The following MCUB variants were observed in gnomAD, a reference collection of about 807,000 sequenced individuals.
MCUB encodes the protein calcium uniporter regulatory subunit MCUb, mitochondrial.
MCUB carries 46 observed loss-of-function variants against 41.4 expected under a neutral mutation model. That is an observed-to-expected ratio of 1.11 (90% confidence interval 0.88 to 1.42). The LOEUF is 1.42. Ranked by LOEUF, MCUB falls within the 40% of genes most tolerant of loss-of-function variation. MCUB has a pLI of 0.00. For missense variants in MCUB, 403 were observed against 404.9 expected (o/e 1.00, Z 0.04); for synonymous variants, 148 against 148.2 (o/e 1.00, Z 0.01).
chr4:109,627,420 C>G (rs1728384135), intron 1 of MCUB, among the ~76,000 whole-genome samples: 1 of 152,210 alleles, frequency 6.6e-6, no homozygotes, highest in African/African-American at 2.4e-5. Context: ...TGGAATCTGT[C>G]AAGCATTTTA....
intron 1 of MCUB, among the ~76,000 whole-genome samples, chr4:109,632,517 C>G (rs896976599): frequency 2.0e-5 from 3 of 152,024 alleles, no homozygotes; most frequent in African/African-American, 7.2e-5. Context: ...CTAGGCGGTA[C>G]CAGCTCAGTG....
chr4:109,635,308 G>A (rs751641287), intron 1 of MCUB, among the ~76,000 whole-genome samples: 1 of 152,122 alleles, frequency 6.6e-6, no homozygotes, highest in African/African-American at 2.4e-5. Flanking sequence ...AATCCTTTGG[G>A]TATATACCCA....
At chr4:109,579,447 A>G (rs1426292273) in intron 1 of MCUB, among the ~76,000 whole-genome samples, 2 of 152,122 alleles carry the variant, frequency 1.3e-5, no homozygotes, top group Non-Finnish European at 1.5e-5. Flanking sequence ...ACGGGGTTTC[A>G]ACATGTTGGC....
At chr4:109,580,161 G>A (rs951526585) in intron 1 of MCUB, among the ~76,000 whole-genome samples, 10 of 152,058 alleles carry the variant, frequency 6.6e-5, no homozygotes, top group Admixed American at 3.3e-4. Flanking sequence ...TAGTTTGCTC[G>A]GAGTGATGGT....
intron 1 of MCUB, among the ~76,000 whole-genome samples, chr4:109,579,932 G>A (rs1285142685): frequency 2.0e-5 from 3 of 152,014 alleles, no homozygotes; most frequent in Non-Finnish European, 2.9e-5. Context: ...TGTGCACAAC[G>A]TGCAGTTTGT....
intron 1 of MCUB, among the ~76,000 whole-genome samples, chr4:109,616,934 G>A (rs1728138618): frequency 1.3e-5 from 2 of 152,098 alleles, no homozygotes; most frequent in Admixed American, 1.3e-4. Context: ...TTTAATTTTA[G>A]TTTTTAAATT....
rs192573048 is a variant in MCUB, at chr4:109,621,668, T to C, written c.100-37343T>C. ...AAGCAAATTTTATCCCTTAAGCTTC[T>C]ACACTGTAATAAAATAAGGGGCAGA... On this transcript the variant is annotated intron_variant, in intron 1 of 7. Transcript: ENST00000394650. Among the ~76,000 whole-genome samples the C allele has an allele frequency of 3.9e-3, 597 of 152,324 alleles. 5 individuals are homozygous for C. Among genetic ancestry groups the C allele is most frequent in the African/African-American group, 0.014 (573 of 41,580 alleles).
At chr4:109,567,814 T>C (rs1184913701) in intron 1 of MCUB, among the ~76,000 whole-genome samples, 1 of 152,126 alleles carries the variant, frequency 6.6e-6, no homozygotes, top group Non-Finnish European at 1.5e-5. Flanking sequence ...TTCTCCTGTC[T>C]CAGCCTCCCA....
chr4:109,601,274 T>G (rs1727727220), intron 1 of MCUB, among the ~76,000 whole-genome samples: 1 of 152,126 alleles, frequency 6.6e-6, no homozygotes, highest in Non-Finnish European at 1.5e-5. Context: ...ACAACCCAGT[T>G]ATACTCTTTT....
At chr4:109,586,624 C>G (rs1235394981) in intron 1 of MCUB, among the ~76,000 whole-genome samples, 2 of 152,184 alleles carry the variant, frequency 1.3e-5, no homozygotes, top group African/African-American at 4.8e-5. Context: ...TGGTGACCTA[C>G]AGATGGGGTT....
rs2126154299 is a variant in MCUB at position 109,688,106 on chromosome 4, A to G, written c.*514A>G. On this transcript the variant is annotated 3_prime_UTR_variant, in exon 8 of 8. Coordinates refer to ENST00000394650, the MANE Select transcript of MCUB (RefSeq NM_017918.5). ...AAGGCATAAATGTTCCACCAACCAT[A>G]AAGTATAGTTGGTACTTTTTGAACT... The G allele has an allele frequency of 6.5e-6, 1 of 152,706 alleles. No homozygotes were observed. Among genetic ancestry groups the G allele is most frequent in the East Asian group, 1.9e-4 (1 of 5,196 alleles). The allele number at this position is 152,706 out of a possible 1,614,324, so 9.5% of individuals were successfully genotyped here.
chr4:109,590,754 C>A (rs781027378), intron 1 of MCUB, among the ~76,000 whole-genome samples: 8 of 152,276 alleles, frequency 5.3e-5, no homozygotes, highest in Middle Eastern at 3.4e-3. Flanking sequence ...TTCACTCCTG[C>A]CCCATGCTTG....
At position 109,687,740 on chromosome 4, in the gene MCUB, A is replaced by G. The variant is rs1238145393; in HGVS notation, c.*148A>G. The G allele has an allele frequency of 4.9e-6, 3 of 608,330 alleles. No individual in the cohort carries two copies. Among genetic ancestry groups the G allele is most frequent in the East Asian group, 5.7e-5 (2 of 35,380 alleles). The allele number at this position is 608,330 out of a possible 1,614,324, so 37.7% of individuals were successfully genotyped here. ...AAGTATTGTTTGAAGTTCTCAACTG[A>G]GATTTTTACTTTTTGGATTTTTATG... is the stretch of plus-strand genomic sequence containing the variant. On this transcript the variant is annotated 3_prime_UTR_variant, in exon 8 of 8. Coordinates refer to ENST00000394650, the MANE Select transcript of MCUB (RefSeq NM_017918.5).
In MCUB at chr4:109,560,490, C is replaced by G. The variant is rs531161959; in HGVS notation, c.99+54C>G. 2.5e-4 allele frequency: 212 copies of G among 853,588 alleles called. No individual in the cohort carries two copies. The African/African-American group carries it at 3.6e-3, about 14-fold the overall frequency. The allele number at this position is 853,588 out of a possible 1,614,324, so 52.9% of individuals were successfully genotyped here. A position where few individuals can be genotyped will look rare whatever the true frequency, so the allele number is the denominator to read the frequency against. The stretch of plus-strand genomic sequence containing the variant: ...TCGGGGTAGGCTGGTGCAAAGTTTG[C>G]GTTGGACAACTTTGGCGGGAGCAAA... On this transcript the variant is annotated intron_variant, in intron 1 of 7. Coordinates refer to ENST00000394650, the MANE Select transcript of MCUB (RefSeq NM_017918.5).
At chr4:109,637,239 A>C (rs9997940) in intron 1 of MCUB, among the ~76,000 whole-genome samples, 5,335 of 152,286 alleles carry the variant, frequency 0.035, 314 homozygotes, top group African/African-American at 0.12. Flanking sequence ...TGTCAGCCCT[A>C]TGGGGACACA....
chr4:109,685,576 G>A (rs915273647), intron 7 of MCUB, among the ~76,000 whole-genome samples: 8 of 152,172 alleles, frequency 5.3e-5, no homozygotes, highest in African/African-American at 1.9e-4. Flanking sequence ...CTTTAAATAT[G>A]TGTGTTAAAA....
At chr4:109,616,351 T>C (rs1248424752) in intron 1 of MCUB, among the ~76,000 whole-genome samples, 1 of 152,230 alleles carries the variant, frequency 6.6e-6, no homozygotes, top group African/African-American at 2.4e-5. Flanking sequence ...CTGACTAATG[T>C]ACCTTCCACT....
At chr4:109,647,316 A>T (rs534210301) in intron 1 of MCUB, among the ~76,000 whole-genome samples, 1 of 152,284 alleles carries the variant, frequency 6.6e-6, no homozygotes, top group East Asian at 1.9e-4. Context: ...TCACTGCCCT[A>T]AAAATCCTCT....
intron 1 of MCUB, among the ~76,000 whole-genome samples, chr4:109,573,622 G>A (rs930019868): frequency 1.8e-4 from 28 of 152,150 alleles, no homozygotes; most frequent in Non-Finnish European, 7.4e-5. Flanking sequence ...ATGAATGATG[G>A]ATTCTAGAAG....
Sources: gnomAD v4.1 joint callset for allele counts (sites outside exome capture counted in the v4.1 genomes callset) on GRCh38, gnomAD v4.1.1 for gene constraint, MANE v1.5 for transcripts, NCBI Gene and HGNC (gene_info 2026-07-23, HGNC 2026-07-21) for gene names.